Variants in MAPK4 observed in about 807,000 individuals in gnomAD.
MAPK4 encodes the protein Erk3-related.
In MAPK4, 22 loss-of-function variants were observed where a neutral mutation model predicts 47.7. The observed-to-expected ratio is 0.46, with a 90% CI of 0.33 to 0.66. The LOEUF (loss-of-function observed/expected upper bound fraction) is 0.66. MAPK4 is among the 30% of genes least tolerant of loss of function. The probability of loss-of-function intolerance (pLI) is 0.02; values close to 1 mark genes in which losing one functional copy is unlikely to be tolerated. For synonymous variants in MAPK4, 390 were observed against 365.7 expected (o/e 1.07, Z -0.76); for missense variants, 736 against 831.7 (o/e 0.88, Z 1.42).
chr18:50,574,690 G>C (rs2042279560), intron 1 of MAPK4, among the ~76,000 whole-genome samples: 1 of 152,192 alleles, frequency 6.6e-6, no homozygotes, highest in African/African-American at 2.4e-5. Context: ...AGAAAAGGCT[G>C]TACTGAGCTT....
At chr18:50,695,207 A>G (rs1374188801) in intron 2 of MAPK4, among the ~76,000 whole-genome samples, 2 of 151,972 alleles carry the variant, frequency 1.3e-5, no homozygotes, top group African/African-American at 4.8e-5. Context: ...TTAGCCGGGT[A>G]TGGTGGCACA....
intron 2 of MAPK4, among the ~76,000 whole-genome samples, chr18:50,675,784 C>T (rs1025933163): frequency 5.3e-5 from 8 of 152,130 alleles, no homozygotes; most frequent in Non-Finnish European, 1.0e-4. Flanking sequence ...GCCACCACGC[C>T]CAGCCCATTT....
chr18:50,682,460 CA>C (rs1908642401), intron 2 of MAPK4, among the ~76,000 whole-genome samples: 1 of 151,994 alleles, frequency 6.6e-6, no homozygotes, highest in South Asian at 2.1e-4. Flanking sequence ...ATTGTGATAG[CA>C]AAACATGACA....
chr18:50,654,863 C>T (rs913263506), intron 1 of MAPK4, among the ~76,000 whole-genome samples: 2 of 152,222 alleles, frequency 1.3e-5, no homozygotes, highest in African/African-American at 4.8e-5. Context: ...ATTTTAGTAT[C>T]GCTGAGAGGC....
At chr18:50,616,491 A>C in intron 1 of MAPK4, among the ~76,000 whole-genome samples, 1 of 152,208 alleles carries the variant, frequency 6.6e-6, no homozygotes, top group Admixed American at 6.5e-5. Context: ...GGATAGATAA[A>C]TATATGAGGG....
In MAPK4 at chr18:50,728,098, C is replaced by T. The variant is rs568683207; in HGVS notation, c.1068-1060C>T. 8.5e-5 allele frequency among the ~76,000 whole-genome samples: 13 copies of T among 152,338 alleles called. No homozygotes were observed. The South Asian group carries it at 2.1e-3, about 24-fold the overall frequency. On this transcript the variant is annotated intron_variant, in intron 5 of 5. Transcript: ENST00000400384. ...GTCACACTCTGTGGGCTACAGCTGC[C>T]AGGTCTATCCCACACAGCCGAATCT... is the stretch of plus-strand genomic sequence containing the variant.
chr18:50,664,576 TA>T lies in MAPK4; in HGVS notation c.546+73del. ...AAGAATACTTGCAGCATTCCCAAGC[TA>T]TTCCTAGCTCCATGGTAGTCAGAGG... On this transcript the variant is annotated intron_variant, in intron 2 of 5. Transcript: ENST00000400384. The surrounding 1 kb of genome is among the most constrained non-coding windows in gnomAD (Gnocchi z 6.0). 6.8e-7 allele frequency: 1 copy of T among 1,477,258 alleles called. No homozygotes were observed. The allele number at this position is 1,477,258 out of a possible 1,614,324, so 91.5% of individuals were successfully genotyped here. A position where few individuals can be genotyped will look rare whatever the true frequency, so the allele number is the denominator to read the frequency against.
At chr18:50,610,852 G>A (rs1174306245) in intron 1 of MAPK4, among the ~76,000 whole-genome samples, 1 of 152,176 alleles carries the variant, frequency 6.6e-6, no homozygotes, top group African/African-American at 2.4e-5. Context: ...CCACTTGACA[G>A]TGAGCATCTT....
chr18:50,572,656 C>A (rs1488201719), intron 1 of MAPK4, among the ~76,000 whole-genome samples: 1 of 152,064 alleles, frequency 6.6e-6, no homozygotes, highest in Non-Finnish European at 1.5e-5. Flanking sequence ...GTTGTCTTTT[C>A]TTTCCAGTTT....
At position 50,643,479 on chromosome 18, in the gene MAPK4, C is replaced by T. The variant is rs182994398; in HGVS notation, c.-870-19610C>T. Among the ~76,000 whole-genome samples, 4 of 152,378 alleles carry T rather than the reference C, an allele frequency of 2.6e-5. No individual in the cohort carries two copies. In the East Asian group the frequency reaches 5.8e-4, roughly 22 times the overall value. On this transcript the variant is annotated intron_variant, in intron 1 of 5. Coordinates refer to ENST00000400384, the MANE Select transcript of MAPK4 (RefSeq NM_002747.4). ...CAGAGGTTGCAGCGAGTCGAGGTCG[C>T]GCCACTGCGCTCCAGCTTGTGTAAT...
chr18:50,559,915 G>C (rs2042135918), upstream of MAPK4, among the ~76,000 whole-genome samples: 1 of 151,222 alleles, frequency 6.6e-6, no homozygotes, highest in South Asian at 2.1e-4. Context: ...TGGAGGCTGC[G>C]GGAGGGCAGA....
At chr18:50,597,909 C>G (rs763124609) in intron 1 of MAPK4, among the ~76,000 whole-genome samples, 19 of 152,270 alleles carry the variant, frequency 1.2e-4, no homozygotes, top group Non-Finnish European at 2.2e-4. Context: ...ATAAAAGTGG[C>G]ACAGCATTAG....
intron 1 of MAPK4, among the ~76,000 whole-genome samples, chr18:50,567,753 T>C (rs909706904): frequency 6.8e-6 from 1 of 146,780 alleles, no homozygotes; most frequent in South Asian, 2.2e-4. Context: ...TGTGTGTGTG[T>C]GGGTGGGTGT....
At chr18:50,576,988 CTGGAGCT>C (rs968961910) in intron 1 of MAPK4, among the ~76,000 whole-genome samples, 3 of 152,042 alleles carry the variant, frequency 2.0e-5, no homozygotes, top group African/African-American at 7.2e-5. Context: ...CCCTGCTCTC[CTGGAGCT>C]TGGAGCTTGG....
intron 1 of MAPK4, among the ~76,000 whole-genome samples, chr18:50,600,055 T>A (rs1196556832): frequency 6.6e-6 from 1 of 152,248 alleles, no homozygotes; most frequent in East Asian, 1.9e-4. Context: ...TAGTTTCAGA[T>A]GCCTTCAATT....
At chr18:50,622,206 C>T (rs528026210) in intron 1 of MAPK4, among the ~76,000 whole-genome samples, 19 of 152,228 alleles carry the variant, frequency 1.2e-4, no homozygotes, top group Admixed American at 5.2e-4. Context: ...GGGCATCACA[C>T]GTGCTGGTGG....
At chr18:50,699,765 C>T (rs1202028560) in intron 2 of MAPK4, among the ~76,000 whole-genome samples, 11 of 152,248 alleles carry the variant, frequency 7.2e-5, no homozygotes, top group East Asian at 3.9e-4. Flanking sequence ...CATCTTCCCT[C>T]GGATTTAATC....
At chr18:50,630,252 G>A (rs1355112926) in intron 1 of MAPK4, among the ~76,000 whole-genome samples, 1 of 152,154 alleles carries the variant, frequency 6.6e-6, no homozygotes, top group Non-Finnish European at 1.5e-5. Flanking sequence ...GCAGTGGCAC[G>A]ATCTCTGCTC....
At chr18:50,567,419 G>A (rs560005118) in intron 1 of MAPK4, among the ~76,000 whole-genome samples, 6 of 152,150 alleles carry the variant, frequency 3.9e-5, no homozygotes, top group East Asian at 3.8e-4. Flanking sequence ...TCCCTGCTGT[G>A]TCATTGCATG....
Sources: allele counts gnomAD v4.1 joint callset (sites outside exome capture counted in the v4.1 genomes callset), GRCh38; gene constraint gnomAD v4.1.1; non-coding constraint Gnocchi (gnomAD v3.1); transcripts MANE v1.5; gene names NCBI Gene and HGNC (gene_info 2026-07-23, HGNC 2026-07-21).